NSD1: variants seen among roughly 807,000 people sequenced by gnomAD.
The protein encoded by NSD1 is histone-lysine N-methyltransferase, H3 lysine-36 specific.
In NSD1, 26 loss-of-function variants were observed where a neutral mutation model predicts 242.7. That is an observed-to-expected ratio of 0.11 (90% confidence interval 0.08 to 0.15). NSD1 has a LOEUF of 0.15. Among genes scored for constraint, NSD1 ranks in the 10% least tolerant of loss-of-function variants. The probability of loss-of-function intolerance (pLI) is 1.00; values close to 1 mark genes in which losing one functional copy is unlikely to be tolerated. For missense variants in NSD1, 2,495 were observed against 3,272.8 expected, an observed-to-expected ratio of 0.76 and a Z score of 5.80; for synonymous variants, 1,106 against 1,178.1, an observed-to-expected ratio of 0.94 and a Z score of 1.25.
At chr5:177,206,476 A>C (rs1762875868) in intron 4 of NSD1, among the ~76,000 whole-genome samples, 1 of 152,192 alleles carries the variant, frequency 6.6e-6, no homozygotes, top group Non-Finnish European at 1.5e-5. Context: ...TAATTAGGAT[A>C]ATTTAGAGTT....
At chr5:177,229,321 G>A (rs2149875590) in intron 5 of NSD1, among the ~76,000 whole-genome samples, 1 of 152,252 alleles carries the variant, frequency 6.6e-6, no homozygotes, top group Admixed American at 6.5e-5. Flanking sequence ...ACATTTTGTA[G>A]TTGTATAGTA....
At position 177,296,982 on chromosome 5, in the gene NSD1, G is replaced by T. The variant is rs1760298155; in HGVS notation, c.*1523G>T. On this transcript the variant is annotated 3_prime_UTR_variant, in exon 23 of 23. Transcript: ENST00000439151. ...GTTATGGCTTTCACGCTCTCAATAG[G>T]ATTCTGTATTTGGTCCCAATTTCCT... 4.3e-6 allele frequency: 1 copy of T among 233,280 alleles called. No homozygotes were observed. The highest frequency in any genetic ancestry group is 1.8e-4 in the South Asian group (1 of 5,532). The allele number at this position is 233,280 out of a possible 1,614,324, so 14.5% of individuals were successfully genotyped here.
chr5:177,264,760 G>A (rs1294966861), intron 14 of NSD1: 5 of 727,718 alleles, frequency 6.9e-6, no homozygotes, highest in African/African-American at 3.5e-5. Flanking sequence ...CCTGTAATTC[G>A]CCAAAATGAC....
At chr5:177,227,259 G>A (rs1764702772) in intron 5 of NSD1, among the ~76,000 whole-genome samples, 1 of 152,134 alleles carries the variant, frequency 6.6e-6, no homozygotes, top group Non-Finnish European at 1.5e-5. Context: ...TCAGAATAAA[G>A]AAAGTGCTAA....
At chr5:177,193,925 G>A (rs935077605) in intron 3 of NSD1, among the ~76,000 whole-genome samples, 12 of 151,656 alleles carry the variant, frequency 7.9e-5, no homozygotes, top group African/African-American at 2.7e-4. Flanking sequence ...TTACAGGTGC[G>A]TGCCACCATG....
At chr5:177,139,791 C>T (rs911299948) in intron 2 of NSD1, among the ~76,000 whole-genome samples, 2 of 151,970 alleles carry the variant, frequency 1.3e-5, no homozygotes, top group African/African-American at 2.4e-5. Context: ...CCTGTCTCTA[C>T]ACTCAGTTGG....
At chr5:177,164,747 C>G (rs536376699) in intron 2 of NSD1, among the ~76,000 whole-genome samples, 2 of 151,856 alleles carry the variant, frequency 1.3e-5, no homozygotes, top group Admixed American at 1.3e-4. Flanking sequence ...AGTTCAAGAC[C>G]AGCCTGGCCA....
intron 12 of NSD1, among the ~76,000 whole-genome samples, chr5:177,254,158 G>C (rs997825653): frequency 6.6e-6 from 1 of 152,062 alleles, no homozygotes; most frequent in Non-Finnish European, 1.5e-5. Context: ...TGTTGGTCAG[G>C]CTGGTCTCGG....
Position 177,267,723 on chromosome 5 carries a change from GC to G in NSD1, c.5303+7del, listed in dbSNP as rs1562278625. 6.2e-7 allele frequency: 1 copy of G among 1,613,340 alleles called. No homozygotes were observed. The highest frequency in any genetic ancestry group is 2.2e-5 in the East Asian group (1 of 44,848). On this transcript the variant is annotated splice_donor_region_variant and intron_variant, in intron 15 of 22. Coordinates refer to ENST00000439151, the MANE Select transcript of NSD1 (RefSeq NM_022455.5). ...GGTAAAAGTTGGACGATACAGGTAA[GC>G]CTGAAGAATAGCACTCATCTCTTTT... is the stretch of plus-strand genomic sequence containing the variant.
intron 16 of NSD1, among the ~76,000 whole-genome samples, chr5:177,270,097 A>ACTT: frequency 6.6e-6 from 1 of 152,208 alleles, no homozygotes; most frequent in Non-Finnish European, 1.5e-5. Flanking sequence ...TAGAAGAAAC[A>ACTT]CTTCAGTTTG....
In NSD1 at chr5:177,246,278, T is replaced by G. The variant is rs73347650; in HGVS notation, c.4379-400T>G. On this transcript the variant is annotated intron_variant, in intron 9 of 22. Transcript: ENST00000439151. ...AGCCACGGTGCCCAGTCCTTAATCT[T>G]TAAATCATATAGTGATTTGTATTAT... Among the ~76,000 whole-genome samples, 47 of 152,296 alleles carry G rather than the reference T, an allele frequency of 3.1e-4. 1 individual carries two copies. Among genetic ancestry groups the G allele is most frequent in the African/African-American group, 9.6e-4 (40 of 41,546 alleles).
chr5:177,183,852 A>C (rs1438559711), intron 2 of NSD1, among the ~76,000 whole-genome samples: 1 of 151,992 alleles, frequency 6.6e-6, no homozygotes, highest in Non-Finnish European at 1.5e-5. Context: ...CTATTGTTTT[A>C]ATTTTTAGTT....
rs938172284 is a variant in NSD1, at chr5:177,295,434, A to G, written c.8066A>G (p.Lys2689Arg). 6 of 1,614,034 alleles carry G rather than the reference A, an allele frequency of 3.7e-6. No homozygotes were observed. In the Admixed American group the frequency reaches 5.0e-5, roughly 13 times the overall value. ...PALNQAPSSH[K>R]CAESEQK is the part of the protein sequence containing the mutation. ...CTTAACCAGGCTCCTTCCAGTCACA[A>G]GTGTGCAGAATCAGAACAGAAGTAG... The change falls in exon 23 of 23, where the codon AAG (lysine) becomes AGG (arginine). Residue 2689 changes from lysine (K) to arginine (R), a missense_variant. Physicochemically the swap from Lys to Arg is conservative, Grantham distance 26. Transcript: ENST00000439151. The surrounding 1 kb of genome is among the most constrained non-coding windows in gnomAD (Gnocchi z 4.3).
At chr5:177,268,102 G>A (rs1215163055) in intron 15 of NSD1, among the ~76,000 whole-genome samples, 6 of 151,484 alleles carry the variant, frequency 4.0e-5, no homozygotes, top group Non-Finnish European at 7.4e-5. Flanking sequence ...ATTATACTCT[G>A]TTATGTGTCT....
At chr5:177,157,235 G>A (rs769861766) in intron 2 of NSD1, among the ~76,000 whole-genome samples, 2 of 151,392 alleles carry the variant, frequency 1.3e-5, no homozygotes, top group South Asian at 2.1e-4. Context: ...GTGTGGTGGC[G>A]CATGGCTGTA....
chr5:177,212,326 G>T, intron 5 of NSD1, 131 bp downstream of exon 5: 1 of 883,290 alleles, frequency 1.1e-6, no homozygotes, highest in Non-Finnish European at 1.8e-6. Context: ...TCACTTCAAT[G>T]AAGAAGGAGT....
chr5:177,256,899 C>T, intron 12 of NSD1, 52 bp from the exon 13 acceptor site: 1 of 1,488,480 alleles, frequency 6.7e-7, no homozygotes, highest in Non-Finnish European at 9.4e-7. Context: ...AATGGTTTAG[C>T]ATTTGGTAGA....
At chr5:177,208,938 C>T (rs534579172) in intron 4 of NSD1, among the ~76,000 whole-genome samples, 106 of 152,062 alleles carry the variant, frequency 7.0e-4, no homozygotes, top group African/African-American at 1.8e-3. Flanking sequence ...TGAGGTGATT[C>T]GTCCTCCTCA....
At chr5:177,254,099 C>T (rs1756227947) in intron 12 of NSD1, among the ~76,000 whole-genome samples, 1 of 152,130 alleles carries the variant, frequency 6.6e-6, no homozygotes, top group African/African-American at 2.4e-5. Flanking sequence ...AGGCATGTGC[C>T]ACCACTCCTG....
Sources: gnomAD v4.1 joint callset for allele counts (sites outside exome capture counted in the v4.1 genomes callset) on GRCh38, gnomAD v4.1.1 for gene constraint, Gnocchi (gnomAD v3.1) non-coding constraint, MANE v1.5 for transcripts, NCBI Gene and HGNC (gene_info 2026-07-23, HGNC 2026-07-21) for gene names.